INTS4: variants seen among roughly 807,000 people sequenced by gnomAD.
INTS4 encodes the protein integrator complex subunit 4.
A neutral mutation model predicts 119.5 loss-of-function variants in INTS4; 70 were observed. That is an observed-to-expected ratio of 0.59 (90% CI 0.48 to 0.71). INTS4 has a LOEUF of 0.71. INTS4 is among the 30% of genes least tolerant of loss of function. The pLI, the probability that INTS4 is intolerant of heterozygous loss-of-function variation, is 0.00. For synonymous variants in INTS4, 316 were observed against 419.6 expected (o/e 0.75, Z 3.02); for missense variants, 867 against 1,173.2 (o/e 0.74, Z 3.81).
intron 22 of INTS4, among the ~76,000 whole-genome samples, chr11:77,879,919 G>A (rs1174840173): frequency 1.3e-5 from 2 of 152,156 alleles, no homozygotes; most frequent in Admixed American, 1.3e-4. Context: ...ATGAAAGAAA[G>A]ACTGTCACAA....
At chr11:77,921,284 A>C (rs1301370485) in intron 14 of INTS4, 56 bp downstream of exon 14, 45 of 1,581,496 alleles carry the variant, frequency 2.8e-5, no homozygotes, top group Non-Finnish European at 3.7e-5. Flanking sequence ...ACATGAACAA[A>C]AATAACCCTA....
intron 2 of INTS4, among the ~76,000 whole-genome samples, chr11:77,982,355 C>G (rs12801444): frequency 0.39 from 58,874 of 151,732 alleles, 11,634 homozygotes; most frequent in African/African-American, 0.44. Flanking sequence ...CCAAGTTGGT[C>G]TCAAACTCCT....
intron 8 of INTS4, among the ~76,000 whole-genome samples, chr11:77,951,090 A>G (rs1195512427): frequency 2.0e-5 from 3 of 152,104 alleles, no homozygotes; most frequent in Admixed American, 2.0e-4. Context: ...TCCATGGTGT[A>G]TATGTGCCAC....
intron 10 of INTS4, among the ~76,000 whole-genome samples, chr11:77,931,792 T>C (rs1441328564): frequency 4.6e-5 from 7 of 152,168 alleles, no homozygotes; most frequent in African/African-American, 1.7e-4. Context: ...ACCACACATC[T>C]ACAACCATCT....
chr11:77,895,463 G>GTTT (rs1952470116), intron 18 of INTS4, among the ~76,000 whole-genome samples: 2 of 146,542 alleles, frequency 1.4e-5, no homozygotes, highest in African/African-American at 5.1e-5. Context: ...CAAAAAATGG[G>GTTT]GCCGGGGGTA....
intron 10 of INTS4, 124 bp from the exon 11 acceptor site, chr11:77,928,671 ACT>A: frequency 7.1e-7 from 1 of 1,409,708 alleles, no homozygotes; most frequent in Non-Finnish European, 9.4e-7. Flanking sequence ...ATGTGGTAAA[ACT>A]CTGTTTCTAC....
In INTS4 at chr11:77,981,580, GA is replaced by G; in HGVS notation, c.247-5del. ...GTCTCACAGATGGATCATTCTCCTG[GA>G]AAAAAAGAAGCAATTGTCACTTTGA... is the stretch of plus-strand genomic sequence containing the variant. On this transcript the variant is annotated splice_region_variant and splice_polypyrimidine_tract_variant and intron_variant, in intron 2 of 22. Coordinates refer to ENST00000534064, the MANE Select transcript of INTS4 (RefSeq NM_033547.4). 15 of 1,495,882 alleles carry G rather than the reference GA, an allele frequency of 1.0e-5. No homozygotes were observed. The highest frequency in any genetic ancestry group is 1.9e-5 in the Admixed American group (1 of 51,848). 92.7% of individuals were successfully genotyped at this position (1,495,882 alleles called of 1,614,324 possible).
intron 16 of INTS4, among the ~76,000 whole-genome samples, chr11:77,906,149 A>AGGACTATGATGTTCT (rs1321084093): frequency 7.2e-5 from 11 of 152,156 alleles, no homozygotes; most frequent in South Asian, 4.1e-4. Context: ...TAAACAGTTT[A>AGGACTATGATGTTCT]GGACTATGAT....
At chr11:77,960,823 G>T in intron 5 of INTS4, 130 bp downstream of exon 5, 1 of 804,914 alleles carries the variant, frequency 1.2e-6, no homozygotes, top group Non-Finnish European at 1.9e-6. Context: ...TGAGTTCTGC[G>T]AGGCCACCAC....
At chr11:77,875,794 A>G (rs1431886984), downstream of INTS4, among the ~76,000 whole-genome samples, 2 of 152,218 alleles carry the variant, frequency 1.3e-5, no homozygotes, top group African/African-American at 2.4e-5. Flanking sequence ...ATGGAAGGAA[A>G]GAACCACAGG....
chr11:77,885,408 C>T (rs1343431297), intron 21 of INTS4, among the ~76,000 whole-genome samples: 1 of 152,122 alleles, frequency 6.6e-6, no homozygotes, highest in Non-Finnish European at 1.5e-5. Flanking sequence ...CTACTCCCCA[C>T]TCTAGTTCTA....
intron 7 of INTS4, among the ~76,000 whole-genome samples, chr11:77,956,714 AAT>A (rs1565271350): frequency 3.4e-4 from 3 of 8,714 alleles, no homozygotes; most frequent in Non-Finnish European, 5.5e-4. Context: ...CTCAAAAAAT[AAT>A]AATAATAATA....
chr11:77,989,523 C>T (rs1856581213), intron 2 of INTS4, among the ~76,000 whole-genome samples: 1 of 151,972 alleles, frequency 6.6e-6, no homozygotes, highest in Non-Finnish European at 1.5e-5. Flanking sequence ...TGGCAAAATA[C>T]TAATAACTGT....
intron 8 of INTS4, among the ~76,000 whole-genome samples, chr11:77,954,465 A>G (rs1223063774): frequency 6.6e-6 from 1 of 152,094 alleles, no homozygotes; most frequent in African/African-American, 2.4e-5. Context: ...AATGGCATCT[A>G]TCCTGCAGGG....
intron 11 of INTS4, among the ~76,000 whole-genome samples, chr11:77,926,254 G>A (rs1452974789): frequency 6.6e-6 from 1 of 151,974 alleles, no homozygotes; most frequent in East Asian, 1.9e-4. Context: ...ATGAAGCCCA[G>A]TGACACAGAA....
At chr11:77,887,766 T>C in intron 21 of INTS4, among the ~76,000 whole-genome samples, 1 of 152,170 alleles carries the variant, frequency 6.6e-6, no homozygotes, top group Non-Finnish European at 1.5e-5. Context: ...CAAGCATTCT[T>C]ATACGCCAAT....
intron 15 of INTS4, among the ~76,000 whole-genome samples, chr11:77,908,545 T>C (rs984186000): frequency 2.0e-5 from 3 of 152,162 alleles, no homozygotes; most frequent in Non-Finnish European, 2.9e-5. Flanking sequence ...GCCAGGCTGG[T>C]CTCAAGCTCC....
intron 6 of INTS4, 90 bp from the exon 7 acceptor site, chr11:77,958,924 T>C (rs766191202): frequency 3.0e-4 from 250 of 830,450 alleles, no homozygotes; most frequent in Middle Eastern, 2.8e-3. Flanking sequence ...GGTGGTTGGA[T>C]AAGGATGCCC....
intron 4 of INTS4, among the ~76,000 whole-genome samples, chr11:77,973,964 C>G (rs764376257): frequency 4.6e-5 from 7 of 152,138 alleles, no homozygotes; most frequent in Non-Finnish European, 8.8e-5. Flanking sequence ...GAAGTGTTCT[C>G]TCCTGTTCTA....
Sources: gnomAD v4.1 joint callset for allele counts (sites outside exome capture counted in the v4.1 genomes callset) on GRCh38, gnomAD v4.1.1 for gene constraint, MANE v1.5 for transcripts, NCBI Gene and HGNC (gene_info 2026-07-23, HGNC 2026-07-21) for gene names.